The following SOX5 variants were observed in gnomAD, a reference collection of about 807,000 sequenced individuals.
SOX5 encodes the protein transcription factor SOX-5.
SOX5 carries 9 observed loss-of-function variants against 92.0 expected under a neutral mutation model. That is an observed-to-expected ratio of 0.10 (90% CI 0.06 to 0.17). The LOEUF (loss-of-function observed/expected upper bound fraction) is 0.17. Among genes scored for constraint, SOX5 ranks in the 10% least tolerant of loss-of-function variants. The pLI is 1.00. For synonymous variants in SOX5, 344 were observed against 336.3 expected (o/e 1.02, Z -0.25); for missense variants, 642 against 944.5 (o/e 0.68, Z 4.20).
At chr12:24,343,145 C>T (rs1314973434) in intron 2 of SOX5, among the ~76,000 whole-genome samples, 2 of 152,180 alleles carry the variant, frequency 1.3e-5, no homozygotes, top group African/African-American at 2.4e-5. Flanking sequence ...GCGTGCCAGC[C>T]CAGTGGCTTG....
intron 1 of SOX5, among the ~76,000 whole-genome samples, chr12:24,411,191 TTTTTC>T (rs1233164747): frequency 4.6e-5 from 7 of 152,214 alleles, no homozygotes; most frequent in African/African-American, 1.2e-4. Flanking sequence ...TGGGAGTTAG[TTTTTC>T]TTTTCTTTTT....
Position 24,559,472 on chromosome 12 carries a change from T to C in SOX5, c.-251+2857A>G, listed in dbSNP as rs183533408. On this transcript the variant is annotated intron_variant, in intron 1 of 4. Transcript: ENST00000446891. ...TTGTCCTGTAAGTTTTACTTTTTTA[T>C]ATAATCTGAACATACCCTCAAATCA... Among the ~76,000 whole-genome samples, 10 of 152,304 alleles carry C rather than the reference T, an allele frequency of 6.6e-5. No individual in the cohort carries two copies. The East Asian group carries it at 1.7e-3, about 26-fold the overall frequency.
chr12:23,952,787 T>C (rs1207689078), upstream of SOX5, among the ~76,000 whole-genome samples: 1 of 152,000 alleles, frequency 6.6e-6, no homozygotes, highest in African/African-American at 2.4e-5. Context: ...TCTTACAGAG[T>C]AGAAAGGGGT....
chr12:24,389,301 G>T (rs930745526), intron 1 of SOX5, among the ~76,000 whole-genome samples: 1 of 152,102 alleles, frequency 6.6e-6, no homozygotes, highest in African/African-American at 2.4e-5. Context: ...ATTTTTTATG[G>T]CTGCATAGTA....
At chr12:24,442,358 C>T (rs1348877293) in intron 1 of SOX5, among the ~76,000 whole-genome samples, 1 of 152,094 alleles carries the variant, frequency 6.6e-6, no homozygotes, top group Non-Finnish European at 1.5e-5. Flanking sequence ...CGTTAGTGGA[C>T]AGAACATGCA....
intron 1 of SOX5, among the ~76,000 whole-genome samples, chr12:24,465,097 A>G (rs533317129): frequency 6.6e-6 from 1 of 152,326 alleles, no homozygotes; most frequent in East Asian, 1.9e-4. Context: ...GAAGGGCTTT[A>G]TCTCTCATTT....
At chr12:23,687,742 G>T (rs538411466) in intron 6 of SOX5, among the ~76,000 whole-genome samples, 1 of 151,830 alleles carries the variant, frequency 6.6e-6, no homozygotes, top group African/African-American at 2.4e-5. Context: ...ACTGAATAAT[G>T]AGCTCAATCT....
At chr12:24,439,746 T>C (rs1439840025) in intron 1 of SOX5, among the ~76,000 whole-genome samples, 1 of 151,694 alleles carries the variant, frequency 6.6e-6, no homozygotes, top group Non-Finnish European at 1.5e-5. Flanking sequence ...TGAAAAAAAA[T>C]TGGTCGGGCA....
intron 3 of SOX5, among the ~76,000 whole-genome samples, chr12:24,257,487 G>A (rs1239950591): frequency 2.0e-5 from 3 of 149,092 alleles, no homozygotes; most frequent in African/African-American, 7.3e-5. Context: ...GTTTTTTTCT[G>A]AAACAGAATC....
chr12:24,486,661 T>C (rs944685330), intron 1 of SOX5, among the ~76,000 whole-genome samples: 4 of 152,142 alleles, frequency 2.6e-5, no homozygotes, highest in African/African-American at 9.7e-5. Flanking sequence ...ATAAGACTCA[T>C]AGAATGTAAC....
In SOX5 at chr12:23,604,498, T is replaced by C. The variant is rs148919476; in HGVS notation, c.1053A>G (p.Val351=). 1 of 1,613,792 alleles carries C rather than the reference T, an allele frequency of 6.2e-7. No homozygotes were observed. The highest frequency in any genetic ancestry group is 8.5e-7 in the Non-Finnish European group (1 of 1,179,838). ...LYAAQLAAMQ[V]SPGGKLPGIP... Reference sequence around the variant, plus strand: ...TGCCTGGCAGCTTCCCTCCTGGAGATACCTGCATTGCAGCTAGCTGGGCAG... The same window carrying C: ...TGCCTGGCAGCTTCCCTCCTGGAGACACCTGCATTGCAGCTAGCTGGGCAG... The change falls in exon 9 of 15, where the codon GTA becomes GTG. Residue 351 remains valine, a synonymous_variant. Transcript: ENST00000451604.
intron 1 of SOX5, among the ~76,000 whole-genome samples, chr12:24,522,035 T>G (rs1051146908): frequency 6.6e-6 from 1 of 151,576 alleles, no homozygotes; most frequent in African/African-American, 2.4e-5. Context: ...TGTAAAACCT[T>G]AGATACACCA....
At chr12:23,591,689 G>A (rs1211455936) in intron 9 of SOX5, among the ~76,000 whole-genome samples, 1 of 152,062 alleles carries the variant, frequency 6.6e-6, no homozygotes, top group Non-Finnish European at 1.5e-5. Context: ...TTCATGTAGG[G>A]TTGACCTGAA....
At chr12:23,724,406 A>G (rs2093000141) in intron 6 of SOX5, among the ~76,000 whole-genome samples, 1 of 152,168 alleles carries the variant, frequency 6.6e-6, no homozygotes, top group South Asian at 2.1e-4. Context: ...AATACTTAAT[A>G]AGCAATAGGC....
intron 4 of SOX5, among the ~76,000 whole-genome samples, chr12:24,139,347 T>G (rs1311855093): frequency 1.3e-5 from 2 of 152,136 alleles, no homozygotes; most frequent in Non-Finnish European, 2.9e-5. Flanking sequence ...TAAATTTACA[T>G]GATCATAACA....
intron 3 of SOX5, among the ~76,000 whole-genome samples, chr12:24,235,053 C>T (rs2139991104): frequency 6.6e-6 from 1 of 152,324 alleles, no homozygotes; most frequent in East Asian, 1.9e-4. Flanking sequence ...GCAGTATTTG[C>T]ATGAGATTTT....
intron 1 of SOX5, among the ~76,000 whole-genome samples, chr12:24,421,045 A>C (rs1309931088): frequency 2.0e-5 from 3 of 152,242 alleles, no homozygotes; most frequent in African/African-American, 7.2e-5. Flanking sequence ...AAAAGACTTC[A>C]AGGACATATC....
intron 8 of SOX5, among the ~76,000 whole-genome samples, chr12:23,615,092 G>A (rs988805105): frequency 3.9e-5 from 6 of 152,168 alleles, no homozygotes; most frequent in South Asian, 2.1e-4. Flanking sequence ...GTGAGCCACC[G>A]TACCCGGCCT....
chr12:23,910,041 C>T (rs981481189), intron 1 of SOX5, among the ~76,000 whole-genome samples: 2 of 152,082 alleles, frequency 1.3e-5, no homozygotes, highest in African/African-American at 4.8e-5. Flanking sequence ...ACCATCCACA[C>T]ACAGTTCCCT....
Sources: gnomAD v4.1 joint callset for allele counts (sites outside exome capture counted in the v4.1 genomes callset) on GRCh38, gnomAD v4.1.1 for gene constraint, MANE v1.5 for transcripts, NCBI Gene and HGNC (gene_info 2026-07-23, HGNC 2026-07-21) for gene names.